Variants in TDRD15 observed in about 807,000 individuals in gnomAD.
TDRD15 encodes tudor domain containing 15.
For missense variants in TDRD15, 1,416 were observed against 904.7 expected, an observed-to-expected ratio of 1.57 and a Z score of -7.25; for synonymous variants, 503 against 314.5, an observed-to-expected ratio of 1.60 and a Z score of -6.34.
rs1396063111 is a variant in TDRD15, at chr2:21,142,940, T to C, written c.5473T>C (p.Tyr1825His). ...VDYGFSFYIR[Y>H]SEIINLKVVP... ...CTATGGATTTTCTTTTTATATACGTTATTCAGAAATTATAAATCTTAAAGT... is the reference window on the plus strand; with the variant it reads ...CTATGGATTTTCTTTTTATATACGTCATTCAGAAATTATAAATCTTAAAGT... Residue 1825 changes from tyrosine (Y) to histidine (H), a missense_variant, in exon 4 of 4, where the codon TAT (tyrosine) becomes CAT (histidine). By Grantham distance (83) the Tyr-to-His change is moderately conservative (BLOSUM62 2). Coordinates refer to ENST00000405799, the MANE Select transcript of TDRD15 (RefSeq NM_001306137.2). 2.9e-6 allele frequency: 2 copies of C among 700,178 alleles called. No homozygotes were observed. The highest frequency in any genetic ancestry group is 5.3e-6 in the Non-Finnish European group (2 of 379,888). 43.4% of individuals were successfully genotyped at this position (700,178 alleles called of 1,614,324 possible).
chr2:21,129,590 G>T lies in TDRD15; in HGVS notation c.-90+1879G>T, dbSNP rs540564326. ...TAAGTTTGGGATCTTTACATATATT[G>T]TGCATTAAGCCCCTTATCAGATAGG... On this transcript the variant is annotated intron_variant, in intron 2 of 3. Coordinates refer to ENST00000405799, the MANE Select transcript of TDRD15 (RefSeq NM_001306137.2). 1.8e-3 allele frequency among the ~76,000 whole-genome samples: 269 copies of T among 152,116 alleles called. 1 individual carries two copies. The highest frequency in any genetic ancestry group is 3.0e-3 in the Non-Finnish European group (206 of 68,002).
chr2:21,126,609 G>T (rs571454030), intron 1 of TDRD15, among the ~76,000 whole-genome samples: 48 of 152,186 alleles, frequency 3.2e-4, no homozygotes, highest in African/African-American at 1.1e-3. Context: ...CAGGTGATCC[G>T]CCTGCCTTGG....
rs141176374 is a variant in TDRD15, at chr2:21,141,935, G to A, written c.4468G>A (p.Val1490Met). 1.5e-3 allele frequency: 1,050 copies of A among 711,258 alleles called. 7 individuals are homozygous for A. The African/African-American group carries it at 0.017, about 11-fold the overall frequency. 44.1% of individuals were successfully genotyped at this position (711,258 alleles called of 1,614,324 possible). Residue 1490 changes from valine to methionine, a missense_variant, in exon 4 of 4, where the codon GTG (valine) becomes ATG (methionine). Coordinates refer to ENST00000405799, the MANE Select transcript of TDRD15 (RefSeq NM_001306137.2). ...LQMPQVLSQK[V>M]RPGDNEMKKG... ...GATGCCTCAGGTTCTCTCTCAAAAG[G>A]TGAGGCCAGGTGATAATGAAATGAA...
chr2:21,146,684 G>A (rs192265816), downstream of TDRD15, among the ~76,000 whole-genome samples: 2 of 152,066 alleles, frequency 1.3e-5, no homozygotes, highest in East Asian at 3.9e-4. Context: ...TTATTTAACT[G>A]GAAGTCATCT....
chr2:21,125,429 G>GGTGTGT lies in TDRD15; in HGVS notation c.-201+1399_-201+1404dup, dbSNP rs77767650. Among the ~76,000 whole-genome samples the GGTGTGT allele has an allele frequency of 1.6e-3, 233 of 147,328 alleles. 1 individual carries two copies. The highest frequency in any genetic ancestry group is 3.6e-3 in the Admixed American group (54 of 14,812). On this transcript the variant is annotated intron_variant, in intron 1 of 3. Transcript: ENST00000405799. ...TGTTAGGAAGAGATCCGAATGCCAG[G>GGTGTGT]GTGTGTGTGTGTGTGTGTGTGAGTG...
downstream of TDRD15, among the ~76,000 whole-genome samples, chr2:21,146,295 T>C (rs966799278): frequency 1.3e-5 from 2 of 152,038 alleles, no homozygotes; most frequent in Non-Finnish European, 2.9e-5. Flanking sequence ...GTATATTACG[T>C]TTACTTTATC....
Position 21,139,359 on chromosome 2 carries a change from C to CA in TDRD15, c.1899dup (p.Asp634ArgfsTer2), listed in dbSNP as rs1380097647. ...AAAGCAATTTTGCTTCAGGTTATAGCAAAAAAAGATGACAAGTACACTGTA... is the reference window on the plus strand; with the variant it reads ...AAAGCAATTTTGCTTCAGGTTATAGCAAAAAAAAGATGACAAGTACACTGTA... On this transcript the variant is annotated frameshift_variant, in exon 4 of 4. Coordinates refer to ENST00000405799, the MANE Select transcript of TDRD15 (RefSeq NM_001306137.2). LOFTEE classifies it low-confidence loss of function (END_TRUNC). 6 of 698,692 alleles carry CA rather than the reference C, an allele frequency of 8.6e-6. No individual in the cohort carries two copies. The highest frequency in any genetic ancestry group is 1.6e-5 in the Non-Finnish European group (6 of 379,764). 43.3% of individuals were successfully genotyped at this position (698,692 alleles called of 1,614,324 possible). A position where few individuals can be genotyped will look rare whatever the true frequency, so the allele number is the denominator to read the frequency against.
intron 1 of TDRD15, among the ~76,000 whole-genome samples, chr2:21,125,157 A>G (rs2103433044): frequency 6.7e-6 from 1 of 150,200 alleles, no homozygotes; most frequent in South Asian, 2.1e-4. Flanking sequence ...TGTGTGAGAG[A>G]GAAATCCTAA....
intron 1 of TDRD15, among the ~76,000 whole-genome samples, chr2:21,124,270 C>G (rs1400939443): frequency 6.6e-6 from 1 of 152,114 alleles, no homozygotes; most frequent in Non-Finnish European, 1.5e-5. Context: ...GCAGCCCTTC[C>G]TCGAAAAATG....
At chr2:21,144,444 A>C (rs1036309492), downstream of TDRD15, among the ~76,000 whole-genome samples, 1 of 151,890 alleles carries the variant, frequency 6.6e-6, no homozygotes, top group Non-Finnish European at 1.5e-5. Flanking sequence ...TTATTGATGT[A>C]ATGTTAGAAG....
At position 21,130,227 on chromosome 2, in the gene TDRD15, A is replaced by G. The variant is rs150554802; in HGVS notation, c.-90+2516A>G. On this transcript the variant is annotated intron_variant, in intron 2 of 3. Coordinates refer to ENST00000405799, the MANE Select transcript of TDRD15 (RefSeq NM_001306137.2). ...GAATTGACAGCTTTAGTTCTTACCC[A>G]TAGGTTTTTTATCCATTTTCAGTTG... 1.7e-3 allele frequency among the ~76,000 whole-genome samples: 264 copies of G among 152,308 alleles called. 1 individual carries two copies. The highest frequency in any genetic ancestry group is 5.4e-3 in the African/African-American group (224 of 41,570).
In TDRD15 at chr2:21,137,686, T is replaced by C. The variant is rs554920341; in HGVS notation, c.219T>C (p.Ser73=). 1.4e-6 allele frequency: 1 copy of C among 714,754 alleles called. No homozygotes were observed. Among genetic ancestry groups the C allele is most frequent in the Admixed American group, 2.0e-5 (1 of 49,668 alleles). 44.3% of individuals were successfully genotyped at this position (714,754 alleles called of 1,614,324 possible). Residue 73 remains serine, a synonymous_variant, in exon 4 of 4, where the codon TCT becomes TCC. Transcript: ENST00000405799. ...TTTGTTTGGTGGAAGAAAGAGTATCTGGAGAATGGCAGAGAGGAAGAGTCA... is the reference window on the plus strand; with the variant it reads ...TTTGTTTGGTGGAAGAAAGAGTATCCGGAGAATGGCAGAGAGGAAGAGTCA... ...DEFCLVEERV[S]GEWQRGRVME...
At chr2:21,132,039 G>A (rs1665727992) in intron 2 of TDRD15, among the ~76,000 whole-genome samples, 1 of 152,134 alleles carries the variant, frequency 6.6e-6, no homozygotes, top group Non-Finnish European at 1.5e-5. Flanking sequence ...TCACCTAGAA[G>A]GGGATCTTCT....
rs1293698712 is a variant in TDRD15 at position 21,138,146 on chromosome 2, C to G, written c.679C>G (p.Gln227Glu). 12 of 716,470 alleles carry G rather than the reference C, an allele frequency of 1.7e-5. No homozygotes were observed. The highest frequency in any genetic ancestry group is 4.0e-5 in the Admixed American group (2 of 49,922). The allele number at this position is 716,470 out of a possible 1,614,324, so 44.4% of individuals were successfully genotyped here. The stretch of plus-strand genomic sequence containing the variant: ...TAATAAAGATACTTCACTTGATATT[C>G]AGCATGTTCTGGATAAGTTGCAGCC... ...LGNKDTSLDIQHVLDKLQPSL... is the reference protein window; with the variant it reads ...LGNKDTSLDIEHVLDKLQPSL... The change falls in exon 4 of 4, where the codon CAG (glutamine) becomes GAG (glutamate). Residue 227 changes from glutamine (Q) to glutamate (E), a missense_variant. Physicochemically the swap from Gln to Glu is conservative, Grantham distance 29. Transcript: ENST00000405799.
chr2:21,142,715 A>G lies in TDRD15; in HGVS notation c.5248A>G (p.Ile1750Val), dbSNP rs1414826849. 7 of 712,172 alleles carry G rather than the reference A, an allele frequency of 9.8e-6. No individual in the cohort carries two copies. The African/African-American group carries it at 1.2e-4, about 13-fold the overall frequency. 44.1% of individuals were successfully genotyped at this position (712,172 alleles called of 1,614,324 possible). A position where few individuals can be genotyped will look rare whatever the true frequency, so the allele number is the denominator to read the frequency against. The change falls in exon 4 of 4, where the codon ATT (isoleucine) becomes GTT (valine). Residue 1750 changes from isoleucine (I) to valine (V), a missense_variant. By Grantham distance (29) the Ile-to-Val change is conservative (BLOSUM62 3). Coordinates refer to ENST00000405799, the MANE Select transcript of TDRD15 (RefSeq NM_001306137.2). ...TGTTTCTGATCCATCAGACTTCAGT[A>G]TTCAGTTAGAAGATTTCTTTGACAT... is the stretch of plus-strand genomic sequence containing the variant. ...TAVSDPSDFS[I>V]QLEDFFDIMK...
chr2:21,147,074 C>T (rs560668096), downstream of TDRD15, among the ~76,000 whole-genome samples: 2 of 152,138 alleles, frequency 1.3e-5, no homozygotes, highest in African/African-American at 2.4e-5. Flanking sequence ...TTCAGTGTTG[C>T]CTGGTACATA....
chr2:21,137,621 C>G lies in TDRD15; in HGVS notation c.154C>G (p.His52Asp), dbSNP rs1235657570. ...DYHVLQREIQ[H>D]TPKVKNNVEI... is the part of the protein sequence containing the mutation. ...CCATGTATTGCAGAGAGAAATACAA[C>G]ATACTCCAAAAGTGAAAAATAATGT... Residue 52 changes from histidine to aspartate, a missense_variant, in exon 4 of 4, where the codon CAT (histidine) becomes GAT (aspartate). Coordinates refer to ENST00000405799, the MANE Select transcript of TDRD15 (RefSeq NM_001306137.2). 5.6e-6 allele frequency: 4 copies of G among 715,064 alleles called. No individual in the cohort carries two copies. Among genetic ancestry groups the G allele is most frequent in the Non-Finnish European group, 5.2e-6 (2 of 384,028 alleles). The allele number at this position is 715,064 out of a possible 1,614,324, so 44.3% of individuals were successfully genotyped here.
chr2:21,127,317 T>G (rs1375029221), intron 1 of TDRD15, among the ~76,000 whole-genome samples: 5 of 152,216 alleles, frequency 3.3e-5, no homozygotes, highest in Non-Finnish European at 7.3e-5. Flanking sequence ...TTTGATAAAC[T>G]TTGATGTATT....
rs574618755 is a variant in TDRD15, at chr2:21,137,710, C to T, written c.243C>T (p.Val81=). ...RVSGEWQRGR[V]MEKKNELYTV... is the part of the protein sequence containing the mutation. Reference sequence around the variant, plus strand: ...CTGGAGAATGGCAGAGAGGAAGAGTCATGGAAAAGAAAAATGAACTCTATA... The same window carrying T: ...CTGGAGAATGGCAGAGAGGAAGAGTTATGGAAAAGAAAAATGAACTCTATA... Residue 81 remains valine (V), a synonymous_variant, in exon 4 of 4, where the codon GTC becomes GTT. Coordinates refer to ENST00000405799, the MANE Select transcript of TDRD15 (RefSeq NM_001306137.2). 2.4e-5 allele frequency: 17 copies of T among 714,446 alleles called. No homozygotes were observed. The highest frequency in any genetic ancestry group is 1.2e-4 in the South Asian group (8 of 66,996). The allele number at this position is 714,446 out of a possible 1,614,324, so 44.3% of individuals were successfully genotyped here. A position where few individuals can be genotyped will look rare whatever the true frequency, so the allele number is the denominator to read the frequency against.
Sources: allele counts gnomAD v4.1 joint callset (sites outside exome capture counted in the v4.1 genomes callset), GRCh38; gene constraint gnomAD v4.1.1; transcripts MANE v1.5; gene names NCBI Gene and HGNC (gene_info 2026-07-23, HGNC 2026-07-21).